KMT2D: variants seen among roughly 807,000 people sequenced by gnomAD.
KMT2D encodes the protein lysine methyltransferase 2D.
In KMT2D, 55 loss-of-function variants were observed where a neutral mutation model predicts 512.7. The ratio of observed to expected loss-of-function variants is 0.11; its 90% CI spans 0.09 to 0.13. KMT2D has a LOEUF of 0.13. Among genes scored for constraint, KMT2D ranks in the 10% least tolerant of loss-of-function variants. KMT2D has a pLI of 1.00. For missense variants in KMT2D, 6,061 were observed against 7,127.9 expected, an observed-to-expected ratio of 0.85 and a Z score of 5.39; for synonymous variants, 2,995 against 2,904.0, an observed-to-expected ratio of 1.03 and a Z score of -1.01.
Position 49,033,347 on chromosome 12 carries a change from C to T in KMT2D, c.11358G>A (p.Leu3786=). 1 of 1,591,898 alleles carries T rather than the reference C, an allele frequency of 6.3e-7. No homozygotes were observed. The highest frequency in any genetic ancestry group is 8.6e-7 in the Non-Finnish European group (1 of 1,169,414). The change falls in exon 40 of 55, where the codon CTG becomes CTA. Residue 3786 remains leucine, a synonymous_variant. Coordinates refer to ENST00000301067, the MANE Select transcript of KMT2D (RefSeq NM_003482.4). The part of the protein sequence containing the change: ...LMPPSSHQGL[L]VQQLSPQPPQ... ...GTGGTTGAGGGGACAGCTGCTGGAC[C>T]AGGAGGCCTTGGTGGCTGCTGGGAG...
rs771503269 is a variant in KMT2D, at chr12:49,031,206, T to G, written c.13499A>C (p.Gln4500Pro). The part of the protein sequence containing the change: ...HIDSKLAGLE[Q>P]KLQGTPSNKE... ...GTTGCTGGGGGTACCCTGTAGTTTCTGCTCCAGCCCAGCCAGCTTGCTGTC... is the reference window on the plus strand; with the variant it reads ...GTTGCTGGGGGTACCCTGTAGTTTCGGCTCCAGCCCAGCCAGCTTGCTGTC... Residue 4500 changes from glutamine (Q) to proline (P), a missense_variant, in exon 40 of 55, where the codon CAG (glutamine) becomes CCG (proline). Coordinates refer to ENST00000301067, the MANE Select transcript of KMT2D (RefSeq NM_003482.4). 6.2e-7 allele frequency: 1 copy of G among 1,610,798 alleles called. No homozygotes were observed. Among genetic ancestry groups the G allele is most frequent in the South Asian group, 1.1e-5 (1 of 90,996 alleles).
In KMT2D at chr12:49,044,613, G is replaced by T; in HGVS notation, c.4964-91C>A. The stretch of plus-strand genomic sequence containing the variant: ...TGCCACTGAGAGAGCTGAATACCTT[G>T]CCTCAGAGCCACTTAGACGAGACAG... On this transcript the variant is annotated intron_variant, in intron 20 of 54. Coordinates refer to ENST00000301067, the MANE Select transcript of KMT2D (RefSeq NM_003482.4). This position sits in a 1 kb window ranked among gnomAD's most constrained non-coding sequence, Gnocchi z 6.4. 6.4e-7 allele frequency: 1 copy of T among 1,566,604 alleles called. No homozygotes were observed. The highest frequency in any genetic ancestry group is 8.7e-7 in the Non-Finnish European group (1 of 1,152,748).
At position 49,054,971 on chromosome 12, in the gene KMT2D, G is replaced by C. The variant is rs1938321127; in HGVS notation, c.105C>G (p.Asn35Lys). The change falls in exon 3 of 55, where the codon AAC becomes AAG. Residue 35 changes from asparagine (N) to lysine (K), a missense_variant. By Grantham distance (94) the Asn-to-Lys change is moderately conservative (BLOSUM62 0). Around this residue, in one of 16 missense-constraint regions of KMT2D, gnomAD observed 144 missense variants for 165.7 expected, o/e 0.87. Coordinates refer to ENST00000301067, the MANE Select transcript of KMT2D (RefSeq NM_003482.4). The surrounding 1 kb of genome is among the most constrained non-coding windows in gnomAD (Gnocchi z 6.4). ...DPSATESDLP[N>K]PHVGEVSVLS... ...GGACAGAGACCTCTCCCACATGTGGGTTGGGCAGGTCTGACTCAGTGGCAC... is the reference window on the plus strand; with the variant it reads ...GGACAGAGACCTCTCCCACATGTGGCTTGGGCAGGTCTGACTCAGTGGCAC... 1 of 1,614,010 alleles carries C rather than the reference G, an allele frequency of 6.2e-7. No homozygotes were observed. Among genetic ancestry groups the C allele is most frequent in the Non-Finnish European group, 8.5e-7 (1 of 1,179,884 alleles).
chr12:49,037,093 A>G (rs1592128390), intron 35 of KMT2D, 32 bp downstream of exon 35: 2 of 1,535,872 alleles, frequency 1.3e-6, no homozygotes. Context: ...AATCACCCTG[A>G]GTAACTTGGC....
intron 46 of KMT2D, 115 bp downstream of exon 46, chr12:49,028,713 C>T (rs1235436906): frequency 1.5e-6 from 2 of 1,362,066 alleles, no homozygotes; most frequent in East Asian, 2.3e-5. Context: ...CTTTCACATA[C>T]AATAGGTACT....
Position 49,031,968 on chromosome 12 carries a change from G to A in KMT2D, c.12737C>T (p.Pro4246Leu). 1 of 1,569,576 alleles carries A rather than the reference G, an allele frequency of 6.4e-7. No homozygotes were observed. Among genetic ancestry groups the A allele is most frequent in the Non-Finnish European group, 8.7e-7 (1 of 1,155,592 alleles). ...AVRQTPPYQE[P>L]GTQTSPLQGL... ...CTGGAGGGGAGAGGTCTGGGTCCCA[G>A]GCTCCTGGTAGGGTGGGGTCTGGCG... Residue 4246 changes from proline to leucine, a missense_variant, in exon 40 of 55, where the codon CCT (proline) becomes CTT (leucine). By Grantham distance (98) the Pro-to-Leu change is moderately conservative. Around this residue, in one of 16 missense-constraint regions of KMT2D, gnomAD observed 1,600 missense variants for 1,754.9 expected, o/e 0.91. Transcript: ENST00000301067.
chr12:49,041,416 G>A lies in KMT2D; in HGVS notation c.6354C>T (p.Pro2118=), dbSNP rs377392943. The A allele has an allele frequency of 8.1e-4, 1,308 of 1,605,238 alleles. 2 individuals carry two copies. Among genetic ancestry groups the A allele is most frequent in the Admixed American group, 1.3e-3 (78 of 59,806 alleles). The change falls in exon 32 of 55, where the codon CCC becomes CCT. Residue 2118 remains proline, a synonymous_variant. Coordinates refer to ENST00000301067, the MANE Select transcript of KMT2D (RefSeq NM_003482.4). The surrounding 1 kb of genome is among the most constrained non-coding windows in gnomAD (Gnocchi z 5.4). ...CAATGAAAATGGTGGGGGCAGCAGC[G>A]GGGGGCGGGCTGCCCAGTGCCCCTG... ...PQPGALGSPP[P]AAAPTIFIGS...
rs1392049623 is a variant in KMT2D, at chr12:49,050,190, GAAC to G, written c.3395_3397del (p.Gly1132_Ser1133delinsAla). The G allele has an allele frequency of 1.9e-6, 3 of 1,613,694 alleles. No homozygotes were observed. ...AGGGGTCTGTCCAGGCTCTGGCTGT[GAAC>G]CCGGAGCATCAATCCCATCCAGAGG... On this transcript the variant is annotated inframe_deletion, in exon 12 of 55. Transcript: ENST00000301067.
Position 49,041,062 on chromosome 12 carries a change from G to C in KMT2D, c.6708C>G (p.His2236Gln), listed in dbSNP as rs2120540925. 6.5e-7 allele frequency: 1 copy of C among 1,538,494 alleles called. No individual in the cohort carries two copies. ...GGAATGGGTCAGGTGTGGAGGGCTG[G>C]TGTCTGGGGGTGCCAGGTGGGGTAG... The part of the protein sequence containing the change: ...FHTTPPGTPR[H>Q]QPSTPDPFLK... The change falls in exon 32 of 55, where the codon CAC becomes CAG. Residue 2236 changes from histidine (H) to glutamine (Q), a missense_variant. By Grantham distance (24) the His-to-Gln change is conservative (BLOSUM62 0). Around this residue, in one of 16 missense-constraint regions of KMT2D, gnomAD observed 710 missense variants for 647.3 expected, o/e 1.10. Transcript: ENST00000301067. This position sits in a 1 kb window ranked among gnomAD's most constrained non-coding sequence, Gnocchi z 5.4.
In KMT2D at chr12:49,043,577, G is replaced by C; in HGVS notation, c.5467+58C>G. The C allele has an allele frequency of 1.9e-6, 3 of 1,605,628 alleles. No homozygotes were observed. In the South Asian group the frequency reaches 3.3e-5, roughly 18 times the overall value. ...CCATTTCCCATCAAATAACTTGCCA[G>C]CTCCTAAGCCAGAAGAAAGTTGGAT... On this transcript the variant is annotated intron_variant, in intron 24 of 54. Coordinates refer to ENST00000301067, the MANE Select transcript of KMT2D (RefSeq NM_003482.4).
rs1359665754 is a variant in KMT2D at position 49,037,976 on chromosome 12, C to T, written c.9380G>A (p.Arg3127His). 6 of 1,600,868 alleles carry T rather than the reference C, an allele frequency of 3.7e-6. No individual in the cohort carries two copies. Among genetic ancestry groups the T allele is most frequent in the Non-Finnish European group, 3.4e-6 (4 of 1,174,156 alleles). ...GGTGAATTGGCAAGGAGAAGGGTGG[C>T]GTCCACCCTCCTCCACCTTGGGCTT... ...EVKPKVEEGG[R>H]HPSPCQFTIA... Residue 3127 changes from arginine to histidine, a missense_variant, in exon 35 of 55, where the codon CGC becomes CAC. Arg to His is a conservative substitution (Grantham distance 29). This residue lies in a region of KMT2D where 533 missense variants were observed against 539.6 expected (regional missense o/e 0.99). Transcript: ENST00000301067.
At chr12:49,029,503 G>T (rs752769154) in intron 43 of KMT2D, 27 bp from the exon 44 acceptor site, 1 of 1,535,782 alleles carries the variant, frequency 6.5e-7, no homozygotes, top group South Asian at 1.2e-5. Flanking sequence ...GAGAAGAAAA[G>T]TCAGGTGAGG....
rs1938631233 is a variant in KMT2D at position 49,059,825 on chromosome 12, C to G, written c.-250G>C. ...AGGGGTTCTCTGCCTCAGGTTCCAGCAGTTTAGGTTTCCATGGACAGCCCC... is the reference window on the plus strand; with the variant it reads ...AGGGGTTCTCTGCCTCAGGTTCCAGGAGTTTAGGTTTCCATGGACAGCCCC... On this transcript the variant is annotated 5_prime_UTR_variant, in exon 1 of 55. Coordinates refer to ENST00000301067, the MANE Select transcript of KMT2D (RefSeq NM_003482.4). 1.3e-5 allele frequency: 2 copies of G among 152,304 alleles called. No homozygotes were observed. The highest frequency in any genetic ancestry group is 6.5e-5 in the Admixed American group (1 of 15,286). The allele number at this position is 152,304 out of a possible 1,614,324, so 9.4% of individuals were successfully genotyped here. A position where few individuals can be genotyped will look rare whatever the true frequency, so the allele number is the denominator to read the frequency against.
intron 51 of KMT2D, 131 bp from the exon 52 acceptor site, chr12:49,023,006 G>T: frequency 9.9e-7 from 1 of 1,010,376 alleles, no homozygotes; most frequent in Non-Finnish European, 1.4e-6. Flanking sequence ...AGCACTGGAA[G>T]TGCAGCCTTG....
At chr12:49,049,327 GC>G in intron 12 of KMT2D, 109 bp from the exon 13 acceptor site, 1 of 711,470 alleles carries the variant, frequency 1.4e-6, no homozygotes, top group Non-Finnish European at 2.3e-6. Flanking sequence ...CAGGTAATAA[GC>G]CCAGGAGTCC....
chr12:49,058,279 G>A (rs966474486), intron 1 of KMT2D, among the ~76,000 whole-genome samples: 1 of 152,202 alleles, frequency 6.6e-6, no homozygotes, highest in Admixed American at 6.5e-5. Context: ...CGGGACAAAC[G>A]GGAGGGACTC....
intron 14 of KMT2D, among the ~76,000 whole-genome samples, 189 bp from the exon 15 acceptor site, chr12:49,048,258 C>T (rs1348294344): frequency 1.3e-5 from 2 of 152,204 alleles, no homozygotes; most frequent in Admixed American, 1.3e-4. Context: ...AATCAGGTCA[C>T]TTGAATTTAT....
At position 49,029,439 on chromosome 12, in the gene KMT2D, G is replaced by A; in HGVS notation, c.14037C>T (p.Ala4679=). The change falls in exon 44 of 55, where the codon GCC becomes GCT. Residue 4679 remains alanine, a synonymous_variant. Transcript: ENST00000301067. ...SEVKSLDLLA[A]LPTPPHNQTE... ...TCTGATTGTGAGGGGGTGTAGGCAAGGCAGCCAGCAGGTCTAGACTCTTCA... is the reference window on the plus strand; with the variant it reads ...TCTGATTGTGAGGGGGTGTAGGCAAAGCAGCCAGCAGGTCTAGACTCTTCA... 6.4e-7 allele frequency: 1 copy of A among 1,557,768 alleles called. No individual in the cohort carries two copies. Among genetic ancestry groups the A allele is most frequent in the Non-Finnish European group, 8.7e-7 (1 of 1,150,098 alleles).
At position 49,054,628 on chromosome 12, in the gene KMT2D, C is replaced by G. The variant is rs2120711656; in HGVS notation, c.300G>C (p.Gly100=). 1 of 1,613,224 alleles carries G rather than the reference C, an allele frequency of 6.2e-7. No homozygotes were observed. Among genetic ancestry groups the G allele is most frequent in the East Asian group, 2.2e-5 (1 of 44,858 alleles). The change falls in exon 4 of 55, where the codon GGG becomes GGC. Residue 100 remains glycine, a synonymous_variant. Coordinates refer to ENST00000301067, the MANE Select transcript of KMT2D (RefSeq NM_003482.4). The surrounding 1 kb of genome is among the most constrained non-coding windows in gnomAD (Gnocchi z 6.4). ...CTGCCTCATTGGGCCCTGGGCTCCCCCCAGGGGACACCACTGGACACCGGG... is the reference window on the plus strand; with the variant it reads ...CTGCCTCATTGGGCCCTGGGCTCCCGCCAGGGGACACCACTGGACACCGGG... ...DWPRCPVVSP[G]GSPGPNEAVL... is the part of the protein sequence containing the mutation.
Sources: gnomAD v4.1 joint callset for allele counts (sites outside exome capture counted in the v4.1 genomes callset) on GRCh38, gnomAD v4.1.1 for gene constraint, gnomAD v4.1.1 regional missense constraint, Gnocchi (gnomAD v3.1) non-coding constraint, MANE v1.5 for transcripts, NCBI Gene and HGNC (gene_info 2026-07-23, HGNC 2026-07-21) for gene names.